The following RFX3 variants were observed in gnomAD, a reference collection of about 807,000 sequenced individuals.
RFX3 encodes the protein transcription factor RFX3.
A neutral mutation model predicts 98.6 loss-of-function variants in RFX3; 14 were observed. That is an observed-to-expected ratio of 0.14 (90% CI 0.09 to 0.22). RFX3 has a LOEUF of 0.22. RFX3 is among the 10% of genes least tolerant of loss of function. The pLI, the probability that RFX3 is intolerant of heterozygous loss-of-function variation, is 1.00. For synonymous variants in RFX3, 383 were observed against 328.4 expected (o/e 1.17, Z -1.80); for missense variants, 639 against 926.9 (o/e 0.69, Z 4.03).
chr9:3,245,359 A>G (rs537685889), intron 15 of RFX3, among the ~76,000 whole-genome samples: 1 of 152,224 alleles, frequency 6.6e-6, no homozygotes, highest in Non-Finnish European at 1.5e-5. Flanking sequence ...AGAAAAGGCC[A>G]CTGTGATTGC....
chr9:3,450,041 A>C (rs186582421), intron 1 of RFX3, among the ~76,000 whole-genome samples: 3 of 152,342 alleles, frequency 2.0e-5, no homozygotes, highest in Admixed American at 1.3e-4. Flanking sequence ...TGGTTCTACC[A>C]ATCTGGTTGC....
At chr9:3,440,924 T>G (rs1347360093) in intron 1 of RFX3, among the ~76,000 whole-genome samples, 1 of 152,190 alleles carries the variant, frequency 6.6e-6, no homozygotes, top group Non-Finnish European at 1.5e-5. Flanking sequence ...ATTTCAAAAC[T>G]GACCCATATA....
chr9:3,393,337 C>T (rs547914302), intron 2 of RFX3, among the ~76,000 whole-genome samples: 211 of 152,028 alleles, frequency 1.4e-3, no homozygotes, highest in Admixed American at 2.7e-3. Flanking sequence ...ATTATATACC[C>T]TATTAAGACC....
chr9:3,498,157 TACTAAAGGAC>T (rs1851245278), intron 1 of RFX3, among the ~76,000 whole-genome samples: 1 of 152,030 alleles, frequency 6.6e-6, no homozygotes, highest in Non-Finnish European at 1.5e-5. Context: ...AGCAATCACA[TACTAAAGGAC>T]ACAAAGGAGA....
intron 3 of RFX3, chr9:3,344,962 G>T (rs900151226): frequency 8.0e-6 from 5 of 622,170 alleles, no homozygotes; most frequent in African/African-American, 3.8e-5. Flanking sequence ...TACGGTAACA[G>T]AAATTTACTG....
intron 3 of RFX3, among the ~76,000 whole-genome samples, chr9:3,336,632 T>A (rs921772286): frequency 1.3e-5 from 2 of 152,134 alleles, no homozygotes; most frequent in Admixed American, 1.3e-4. Context: ...AGAAGGAAAT[T>A]AGAAGTCTGA....
At chr9:3,261,593 T>C (rs887109293) in intron 13 of RFX3, among the ~76,000 whole-genome samples, 13 of 152,166 alleles carry the variant, frequency 8.5e-5, no homozygotes, top group Non-Finnish European at 1.6e-4. Context: ...CTAATATAAA[T>C]AGTGCTGTTA....
At chr9:3,384,393 T>C (rs1345040204) in intron 2 of RFX3, among the ~76,000 whole-genome samples, 2 of 152,228 alleles carry the variant, frequency 1.3e-5, no homozygotes, top group Non-Finnish European at 2.9e-5. Context: ...ATAATTACTG[T>C]CCTGGCGTAT....
chr9:3,368,053 T>C (rs114663963), intron 2 of RFX3, among the ~76,000 whole-genome samples: 1,739 of 152,272 alleles, frequency 0.011, 40 homozygotes, highest in African/African-American at 0.039. Context: ...TTTGGTAAAA[T>C]AGGAATTAAT....
chr9:3,367,196 G>A (rs1363730226), intron 2 of RFX3, among the ~76,000 whole-genome samples: 3 of 152,102 alleles, frequency 2.0e-5, no homozygotes, highest in Admixed American at 1.3e-4. Flanking sequence ...CCTTAAAAGC[G>A]GAGTGCTTCT....
chr9:3,246,981 T>C, intron 15 of RFX3: 2 of 787,260 alleles, frequency 2.5e-6, no homozygotes, highest in Non-Finnish European at 3.1e-6. Flanking sequence ...TGAAGTATTT[T>C]AATGTATTTT....
rs1326745506 is a variant in RFX3 at position 3,262,904 on chromosome 9, AAG to A, written c.1605+29_1605+30del. On this transcript the variant is annotated intron_variant, in intron 13 of 16. Transcript: ENST00000617270. ...AAGAACAAATTGGGTATCTTTCCTTAAGAGACATGCTTTGCAAGGAAATAGAA... is the reference window on the plus strand; with the variant it reads ...AAGAACAAATTGGGTATCTTTCCTTAAGACATGCTTTGCAAGGAAATAGAA... The A allele has an allele frequency of 6.8e-6, 11 of 1,606,256 alleles. No homozygotes were observed. In the Admixed American group the frequency reaches 1.9e-4, roughly 27 times the overall value.
At chr9:3,504,820 A>G (rs1429182310) in intron 1 of RFX3, among the ~76,000 whole-genome samples, 4 of 93,386 alleles carry the variant, frequency 4.3e-5, no homozygotes, top group East Asian at 7.1e-4. Context: ...AATATATATT[A>G]TATATAAAAT....
At chr9:3,402,350 C>T (rs1164995792) in intron 1 of RFX3, among the ~76,000 whole-genome samples, 1 of 152,122 alleles carries the variant, frequency 6.6e-6, no homozygotes, top group African/African-American at 2.4e-5. Context: ...AATTTTCAAG[C>T]TCAACAGAGA....
chr9:3,341,840 C>T (rs962950609), intron 3 of RFX3, among the ~76,000 whole-genome samples: 2 of 152,146 alleles, frequency 1.3e-5, no homozygotes, highest in African/African-American at 4.8e-5. Context: ...TGTGTACATA[C>T]GTAGAAGCAT....
intron 4 of RFX3, among the ~76,000 whole-genome samples, chr9:3,320,221 C>T (rs545180478): frequency 1.6e-4 from 24 of 151,918 alleles, no homozygotes; most frequent in Non-Finnish European, 2.6e-4. Flanking sequence ...ATTCACATGC[C>T]TCCCACCTTT....
chr9:3,504,902 A>ATATATATATATAATATAACATATAT (rs1816692465), intron 1 of RFX3, among the ~76,000 whole-genome samples: 12 of 53,090 alleles, frequency 2.3e-4, no homozygotes, highest in East Asian at 2.4e-3. Flanking sequence ...AACATATATT[A>ATATATATATATAATATAACATATAT]TATATATATA....
At chr9:3,366,309 C>G (rs1837062633) in intron 2 of RFX3, among the ~76,000 whole-genome samples, 1 of 152,124 alleles carries the variant, frequency 6.6e-6, no homozygotes, top group African/African-American at 2.4e-5. Flanking sequence ...TGTTTTCCTA[C>G]TTCTTGTTTG....
intron 1 of RFX3, among the ~76,000 whole-genome samples, chr9:3,429,782 C>T (rs1003718315): frequency 8.5e-5 from 13 of 152,204 alleles, no homozygotes; most frequent in Admixed American, 8.5e-4. Flanking sequence ...ATCTTAGCGG[C>T]TGCTATACAT....
Sources: allele counts gnomAD v4.1 joint callset (sites outside exome capture counted in the v4.1 genomes callset), GRCh38; gene constraint gnomAD v4.1.1; transcripts MANE v1.5; gene names NCBI Gene and HGNC (gene_info 2026-07-23, HGNC 2026-07-21).